Variants in NYAP2 observed in about 807,000 individuals in gnomAD.
NYAP2 encodes the protein neuronal tyrosine-phosphorylated phosphoinositide-3-kinase adaptor 2.
NYAP2 carries 23 observed loss-of-function variants against 50.4 expected under a neutral mutation model. The observed-to-expected ratio is 0.46, with a 90% CI of 0.33 to 0.65. The LOEUF is 0.65. Ranked by LOEUF, NYAP2 falls within the 30% of genes least tolerant of loss-of-function variation. The pLI, the probability that NYAP2 is intolerant of heterozygous loss-of-function variation, is 0.02. For missense variants in NYAP2, 885 were observed against 861.0 expected (o/e 1.03, Z -0.35); for synonymous variants, 394 against 365.2 (o/e 1.08, Z -0.90).
intron 5 of NYAP2, among the ~76,000 whole-genome samples, chr2:225,606,425 G>A (rs1056325308): frequency 2.6e-5 from 4 of 152,032 alleles, no homozygotes; most frequent in African/African-American, 4.8e-5. Context: ...CAGGAACTTC[G>A]ATTTTGTTCC....
chr2:225,593,499 C>T lies in NYAP2; in HGVS notation c.1618+10464C>T, dbSNP rs1692547047. Among the ~76,000 whole-genome samples, 2 of 152,280 alleles carry T rather than the reference C, an allele frequency of 1.3e-5. 1 individual carries two copies. The highest frequency in any genetic ancestry group is 6.8e-3 in the Middle Eastern group (2 of 294). On this transcript the variant is annotated intron_variant, in intron 5 of 6. Coordinates refer to ENST00000636099, the Ensembl canonical transcript of NYAP2. The stretch of plus-strand genomic sequence containing the variant: ...TAATGAAAAAAATGTCAGCCTAATC[C>T]TTGACTCCCAACTCAGTCTACCAAT...
Position 225,634,560 on chromosome 2 carries a change from C to CA in NYAP2, c.1828+7443dup, listed in dbSNP as rs949057464. 3.1e-3 allele frequency among the ~76,000 whole-genome samples: 469 copies of CA among 149,878 alleles called. 1 individual carries two copies. The highest frequency in any genetic ancestry group is 0.014 in the Middle Eastern group (4 of 286). ...TGGATTTAATTTCATTTAAAGAAAA[C>CA]AAAAAAAAAGCCATTTCTTACACAC... On this transcript the variant is annotated intron_variant, in intron 6 of 6. Coordinates refer to ENST00000636099, the Ensembl canonical transcript of NYAP2.
chr2:225,698,096 T>A, the NYAP2 span, among the ~76,000 whole-genome samples: 28 of 151,984 alleles, frequency 1.8e-4, no homozygotes, highest in Non-Finnish European at 1.3e-4. Flanking sequence ...GAGGATCACT[T>A]GAGCCCAGGA....
chr2:225,597,542 T>C (rs1363154811), intron 5 of NYAP2, among the ~76,000 whole-genome samples: 1 of 134,118 alleles, frequency 7.5e-6, no homozygotes, highest in Non-Finnish European at 1.6e-5. Flanking sequence ...TATCACAATT[T>C]CCTTATCCAC....
chr2:225,505,407 T>A (rs1375241676), intron 3 of NYAP2, among the ~76,000 whole-genome samples: 1 of 152,210 alleles, frequency 6.6e-6, no homozygotes. Context: ...TTAAGGGTAA[T>A]GGTGAGTAAA....
At chr2:225,668,661 A>G in the NYAP2 span, among the ~76,000 whole-genome samples, 73 of 152,314 alleles carry the variant, frequency 4.8e-4, no homozygotes, top group African/African-American at 1.7e-3. Flanking sequence ...TGAAATCTCA[A>G]GTTCACAGAG....
chr2:225,405,953 CA>C (rs1005463005), intron 2 of NYAP2, among the ~76,000 whole-genome samples: 4 of 151,852 alleles, frequency 2.6e-5, no homozygotes, highest in Non-Finnish European at 5.9e-5. Context: ...TTACATTTAT[CA>C]AGGGGTTATA....
chr2:225,635,171 C>A (rs1263364200), intron 6 of NYAP2, among the ~76,000 whole-genome samples: 5 of 152,176 alleles, frequency 3.3e-5, no homozygotes, highest in African/African-American at 7.2e-5. Context: ...GACAAACAGG[C>A]AAACCATGCA....
At chr2:225,586,506 C>T (rs953869960) in intron 5 of NYAP2, among the ~76,000 whole-genome samples, 1 of 152,096 alleles carries the variant, frequency 6.6e-6, no homozygotes, top group Admixed American at 6.6e-5. Context: ...AGGTGAATGA[C>T]ATGAGGCATG....
At chr2:225,412,910 G>T (rs1695070833) in intron 3 of NYAP2, among the ~76,000 whole-genome samples, 1 of 152,116 alleles carries the variant, frequency 6.6e-6, no homozygotes, top group Non-Finnish European at 1.5e-5. Flanking sequence ...AGACTCAGAT[G>T]GCAGCAGGAA....
intron 5 of NYAP2, among the ~76,000 whole-genome samples, chr2:225,622,332 C>G (rs539485926): frequency 6.6e-6 from 1 of 151,910 alleles, no homozygotes; most frequent in South Asian, 2.1e-4. Flanking sequence ...GAACCTGGCT[C>G]CTGCTTTCAA....
intron 3 of NYAP2, among the ~76,000 whole-genome samples, chr2:225,502,418 A>G (rs186528971): frequency 5.8e-4 from 88 of 152,368 alleles, no homozygotes; most frequent in African/African-American, 2.0e-3. Flanking sequence ...ATTAAATAAT[A>G]GTATCATCCA....
intron 4 of NYAP2, among the ~76,000 whole-genome samples, chr2:225,564,501 G>A (rs1247812505): frequency 6.6e-6 from 1 of 151,854 alleles, no homozygotes; most frequent in Admixed American, 6.6e-5. Flanking sequence ...TCTGAATATA[G>A]AGAAAGGTAA....
intron 3 of NYAP2, among the ~76,000 whole-genome samples, chr2:225,443,279 G>T (rs1034014551): frequency 6.6e-6 from 1 of 152,112 alleles, no homozygotes; most frequent in Non-Finnish European, 1.5e-5. Context: ...TAACATTGAG[G>T]TAATTACCAA....
At chr2:225,603,261 C>T (rs1211694564) in intron 5 of NYAP2, among the ~76,000 whole-genome samples, 1 of 152,100 alleles carries the variant, frequency 6.6e-6, no homozygotes, top group Non-Finnish European at 1.5e-5. Context: ...TTATAGAACA[C>T]CTAGTCTGTG....
chr2:225,570,084 G>A (rs762257930), intron 4 of NYAP2, among the ~76,000 whole-genome samples: 1 of 152,212 alleles, frequency 6.6e-6, no homozygotes, highest in Non-Finnish European at 1.5e-5. Context: ...TAGAACAGGA[G>A]GAGAGTGATT....
chr2:225,626,784 A>G (rs943598581), intron 5 of NYAP2, 133 bp from the exon 6 acceptor site: 17 of 673,382 alleles, frequency 2.5e-5, no homozygotes, highest in Non-Finnish European at 4.1e-5. Flanking sequence ...TTATATTTAA[A>G]TGTTGTAGTC....
At chr2:225,552,298 A>C (rs1337130523) in intron 4 of NYAP2, among the ~76,000 whole-genome samples, 1 of 152,218 alleles carries the variant, frequency 6.6e-6, no homozygotes, top group Non-Finnish European at 1.5e-5. Context: ...TTTCATATAA[A>C]GAATGAAGTC....
chr2:225,412,325 T>G (rs1278483210), intron 3 of NYAP2, among the ~76,000 whole-genome samples: 1 of 137,260 alleles, frequency 7.3e-6, no homozygotes, highest in Non-Finnish European at 1.5e-5. Context: ...ATCAGCATAT[T>G]TAAAATGTGG....
Sources: gnomAD v4.1 joint callset for allele counts (sites outside exome capture counted in the v4.1 genomes callset) on GRCh38, gnomAD v4.1.1 for gene constraint, MANE v1.5 for transcripts, NCBI Gene and HGNC (gene_info 2026-07-23, HGNC 2026-07-21) for gene names.